Variants in STMND1 observed in about 807,000 individuals in gnomAD.
STMND1 encodes the protein stathmin domain containing 1.
Under a neutral mutation model 23.0 loss-of-function variants are expected in STMND1, and 17 were observed. That is an observed-to-expected ratio of 0.74 (90% CI 0.51 to 1.11). The LOEUF is 1.11. Among genes scored for constraint, STMND1 ranks in the 50% least tolerant of loss-of-function variants. The pLI, the probability that STMND1 is intolerant of heterozygous loss-of-function variation, is 0.00. For synonymous variants in STMND1, 114 were observed against 119.9 expected (o/e 0.95, Z 0.32); for missense variants, 305 against 329.1 (o/e 0.93, Z 0.57).
In STMND1 at chr6:17,120,758, G is replaced by A. The variant is rs911977538; in HGVS notation, c.411G>A (p.Thr137=). The change falls in exon 3 of 5, where the codon ACG becomes ACA. Residue 137 remains threonine, a splice_region_variant and synonymous_variant. Transcript: ENST00000536551. ...GAAATGGAGAATCATATGATGTCAC[G>A]GCAAGTAATTTTGTAATTAACATTA... ...VFRNGESYDV[T]LTTTEKPLRK... 229 of 1,519,726 alleles carry A rather than the reference G, an allele frequency of 1.5e-4. No individual in the cohort carries two copies. The highest frequency in any genetic ancestry group is 6.9e-4 in the Admixed American group (32 of 46,266). 94.1% of individuals were successfully genotyped at this position (1,519,726 alleles called of 1,614,324 possible). A position where few individuals can be genotyped will look rare whatever the true frequency, so the allele number is the denominator to read the frequency against.
intron 1 of STMND1, among the ~76,000 whole-genome samples, chr6:17,108,568 T>C (rs150386230): frequency 1.4e-3 from 207 of 152,336 alleles, no homozygotes; most frequent in African/African-American, 4.9e-3. Context: ...ACTGTAGATA[T>C]TGGCTTTTAG....
At position 17,131,001 on chromosome 6, in the gene STMND1, A is replaced by G; in HGVS notation, c.*120A>G. On this transcript the variant is annotated 3_prime_UTR_variant, in exon 5 of 5. Transcript: ENST00000536551. The stretch of plus-strand genomic sequence containing the variant: ...CACTGGGATTTCTGCCTTGGGCTTA[A>G]GGATGATTGTGTGGGCTGCACAGGC... 1 of 985,832 alleles carries G rather than the reference A, an allele frequency of 1.0e-6. No homozygotes were observed. The highest frequency in any genetic ancestry group is 1.4e-6 in the Non-Finnish European group (1 of 691,760). 61.1% of individuals were successfully genotyped at this position (985,832 alleles called of 1,614,324 possible). A position where few individuals can be genotyped will look rare whatever the true frequency, so the allele number is the denominator to read the frequency against.
chr6:17,129,348 C>T, intron 4 of STMND1, 105 bp downstream of exon 4: 1 of 1,051,346 alleles, frequency 9.5e-7, no homozygotes, highest in Admixed American at 3.2e-5. Flanking sequence ...CTGCATGGAT[C>T]TATAATCAGT....
chr6:17,120,586 T>G, intron 2 of STMND1, 21 bp from the exon 3 acceptor site: 1 of 1,458,554 alleles, frequency 6.9e-7, no homozygotes, highest in Non-Finnish European at 9.0e-7. Context: ...CTTTCTTTTT[T>G]CTTTTCTTCT....
intron 3 of STMND1, among the ~76,000 whole-genome samples, chr6:17,122,784 C>T (rs139023683): frequency 2.1e-3 from 321 of 151,852 alleles, no homozygotes; most frequent in Non-Finnish European, 3.5e-3. Context: ...AAGATAATGC[C>T]AACATAATGA....
intron 1 of STMND1, among the ~76,000 whole-genome samples, chr6:17,111,069 A>C (rs533014801): frequency 6.6e-6 from 1 of 152,338 alleles, no homozygotes; most frequent in South Asian, 2.1e-4. Flanking sequence ...CAGTTCTTTA[A>C]ATTGAATTAA....
Position 17,110,527 on chromosome 6 carries a change from T to C in STMND1, c.82-4435T>C, listed in dbSNP as rs1761082882. 1.6e-5 allele frequency: 4 copies of C among 256,760 alleles called. No homozygotes were observed. The South Asian group carries it at 1.7e-4, about 11-fold the overall frequency. 15.9% of individuals were successfully genotyped at this position (256,760 alleles called of 1,614,324 possible). ...GCGCACGTCTGTAATCCCAACACTT[T>C]GGGAGGCCGAGGTGGGCAGATCACG... On this transcript the variant is annotated intron_variant, in intron 1 of 4. Transcript: ENST00000536551.
At position 17,129,202 on chromosome 6, in the gene STMND1, G is replaced by A; in HGVS notation, c.502G>A (p.Asp168Asn). The A allele has an allele frequency of 6.5e-7, 1 of 1,535,902 alleles. No homozygotes were observed. ...GCAAGTGAAGGATTTCACAATGAAG[G>A]ACATCGAGGAGAAGATGGAGGCTGC... ...KKQVKDFTMK[D>N]IEEKMEAAEE... Residue 168 changes from aspartate to asparagine, a missense_variant, in exon 4 of 5, where the codon GAC (aspartate) becomes AAC (asparagine). Asp to Asn is a conservative substitution (Grantham distance 23, BLOSUM62 1). Coordinates refer to ENST00000536551, the MANE Select transcript of STMND1 (RefSeq NM_001190766.2).
At chr6:17,130,509 C>A in intron 4 of STMND1, 85 bp from the exon 5 acceptor site, 1 of 1,039,894 alleles carries the variant, frequency 9.6e-7, no homozygotes, top group Non-Finnish European at 1.3e-6. Flanking sequence ...ATAGAGAAGC[C>A]ATGAATGTTC....
intron 3 of STMND1, among the ~76,000 whole-genome samples, chr6:17,126,970 CGCCCCAGAGTTGAAGCTCATGCCTGCT>C (rs1236406655): frequency 6.6e-6 from 1 of 152,176 alleles, no homozygotes; most frequent in East Asian, 1.9e-4. Flanking sequence ...GCATTCCTGC[CGCCCCAGAGTTGAAGCTCATGCCTGCT>C]GCCTGATGAT....
At chr6:17,119,989 ACT>A (rs2113487007) in intron 2 of STMND1, among the ~76,000 whole-genome samples, 1 of 152,114 alleles carries the variant, frequency 6.6e-6, no homozygotes, top group South Asian at 2.1e-4. Flanking sequence ...GCTTATAAAG[ACT>A]CCCCCATAAA....
In STMND1 at chr6:17,120,643, C is replaced by A; in HGVS notation, c.296C>A (p.Ser99Tyr). The change falls in exon 3 of 5, where the codon TCC becomes TAC. Residue 99 changes from serine (S) to tyrosine (Y), a missense_variant. By Grantham distance (144) the Ser-to-Tyr change is moderately radical. Coordinates refer to ENST00000536551, the MANE Select transcript of STMND1 (RefSeq NM_001190766.2). Reference protein sequence around the residue: ...VTNGLINKPQSLESRERQKSS... With the variant: ...VTNGLINKPQYLESRERQKSS... ...AATGGATTAATCAATAAACCCCAAT[C>A]CCTAGAGAGTCGAGAGCGACAGAAG... is the stretch of plus-strand genomic sequence containing the variant. 13 of 1,534,420 alleles carry A rather than the reference C, an allele frequency of 8.5e-6. No homozygotes were observed. The highest frequency in any genetic ancestry group is 1.4e-5 in the African/African-American group (1 of 73,040).
chr6:17,126,076 T>A (rs1180421341), intron 3 of STMND1, among the ~76,000 whole-genome samples: 844 of 63,200 alleles, frequency 0.013, 3 homozygotes, highest in Non-Finnish European at 0.018. Flanking sequence ...ATATATTTTT[T>A]TTTTTTTTTT....
intron 2 of STMND1, 57 bp downstream of exon 2, chr6:17,115,196 T>C: frequency 6.8e-7 from 1 of 1,465,814 alleles, no homozygotes; most frequent in Non-Finnish European, 9.0e-7. Flanking sequence ...TTTCTCTAAA[T>C]ACGTTTACAA....
At chr6:17,123,837 C>A (rs545790371) in intron 3 of STMND1, among the ~76,000 whole-genome samples, 1 of 152,228 alleles carries the variant, frequency 6.6e-6, no homozygotes, top group African/African-American at 2.4e-5. Context: ...TTCTGTGTCA[C>A]GGATAAAACT....
intron 1 of STMND1, among the ~76,000 whole-genome samples, chr6:17,107,606 C>A (rs1232455517): frequency 1.3e-5 from 2 of 152,046 alleles, no homozygotes; most frequent in African/African-American, 2.4e-5. Flanking sequence ...CCTCTTTCTT[C>A]TTCTTCTGAG....
chr6:17,105,687 G>T (rs1183335935), intron 1 of STMND1, among the ~76,000 whole-genome samples: 2 of 150,896 alleles, frequency 1.3e-5, no homozygotes, highest in Non-Finnish European at 2.9e-5. Flanking sequence ...AGCACTTTGG[G>T]AGGCTGAGGC....
chr6:17,126,066 ATATATTTTTTTTT>A (rs1761297952), intron 3 of STMND1, among the ~76,000 whole-genome samples: 1 of 23,300 alleles, frequency 4.3e-5, no homozygotes, highest in African/African-American at 2.1e-4. Context: ...ATATATATAT[ATATATTTTTTTTT>A]TTTTTTTTTT....
chr6:17,117,288 C>T (rs112493771), intron 2 of STMND1, among the ~76,000 whole-genome samples: 8,653 of 152,108 alleles, frequency 0.057, 329 homozygotes, highest in East Asian at 0.16. Flanking sequence ...AGTCTGGCCT[C>T]GAACTCCTGA....
Sources: gnomAD v4.1 joint callset for allele counts (sites outside exome capture counted in the v4.1 genomes callset) on GRCh38, gnomAD v4.1.1 for gene constraint, MANE v1.5 for transcripts, NCBI Gene and HGNC (gene_info 2026-07-23, HGNC 2026-07-21) for gene names.